SPAG16: variants seen among roughly 807,000 people sequenced by gnomAD.
SPAG16 encodes the protein sperm-associated antigen 16 protein.
In SPAG16, 86 loss-of-function variants were observed where a neutral mutation model predicts 80.4. That is an observed-to-expected ratio of 1.07 (90% CI 0.90 to 1.28). The LOEUF (loss-of-function observed/expected upper bound fraction) is 1.28. SPAG16 is among the 50% of genes most tolerant of loss of function. The pLI, the probability that SPAG16 is intolerant of heterozygous loss-of-function variation, is 0.00. For missense variants in SPAG16, 870 were observed against 765.3 expected (o/e 1.14, Z -1.61); for synonymous variants, 294 against 265.9 (o/e 1.11, Z -1.03).
At chr2:214,243,418 C>T (rs956529984) in intron 15 of SPAG16, among the ~76,000 whole-genome samples, 1 of 151,966 alleles carries the variant, frequency 6.6e-6, no homozygotes, top group African/African-American at 2.4e-5. Flanking sequence ...AGTCAGGGCT[C>T]ATAAAATTTA....
chr2:213,891,791 T>G (rs1312289988), intron 11 of SPAG16, among the ~76,000 whole-genome samples: 1 of 152,124 alleles, frequency 6.6e-6, no homozygotes, highest in Non-Finnish European at 1.5e-5. Context: ...GACTTCCACA[T>G]CTGCAATATC....
intron 12 of SPAG16, among the ~76,000 whole-genome samples, chr2:213,978,259 G>A (rs1421207203): frequency 6.6e-6 from 1 of 151,948 alleles, no homozygotes; most frequent in East Asian, 1.9e-4. Context: ...TTCCTCAGCT[G>A]GATCACCCCA....
At chr2:214,294,860 C>T (rs1694027574) in intron 15 of SPAG16, among the ~76,000 whole-genome samples, 1 of 152,212 alleles carries the variant, frequency 6.6e-6, no homozygotes, top group Non-Finnish European at 1.5e-5. Context: ...GATGCCACTA[C>T]ACATCTAGCT....
chr2:214,108,480 C>CACACACA lies in SPAG16; in HGVS notation c.1593+219_1593+220insACACACA, dbSNP rs56781283. ...ACACACACACACACACACACACACA[C>CACACACA]CCCCACACACACCCCAAGTCGTAGC... is the stretch of plus-strand genomic sequence containing the variant. On this transcript the variant is annotated intron_variant, in intron 14 of 15. Transcript: ENST00000331683. 5.8e-3 allele frequency among the ~76,000 whole-genome samples: 304 copies of CACACACA among 52,530 alleles called. 1 individual carries two copies. Among genetic ancestry groups the CACACACA allele is most frequent in the African/African-American group, 0.011 (241 of 21,442 alleles). 34.5% of individuals were successfully genotyped at this position (52,530 alleles called of 152,430 possible).
intron 10 of SPAG16, among the ~76,000 whole-genome samples, chr2:213,742,480 C>T (rs1011747836): frequency 5.3e-5 from 8 of 151,758 alleles, no homozygotes; most frequent in Non-Finnish European, 1.2e-4. Flanking sequence ...CACTGATCAC[C>T]TCACATAAAA....
intron 10 of SPAG16, among the ~76,000 whole-genome samples, chr2:213,697,063 A>G (rs1212065400): frequency 6.6e-6 from 1 of 152,192 alleles, no homozygotes; most frequent in Non-Finnish European, 1.5e-5. Context: ...AAATTGAGGG[A>G]TAGAACTTTG....
chr2:214,010,103 A>T (rs150908877), intron 12 of SPAG16, among the ~76,000 whole-genome samples: 2 of 145,962 alleles, frequency 1.4e-5, no homozygotes, highest in African/African-American at 5.4e-5. Flanking sequence ...ATGTCAAAAG[A>T]GTTAAAATAT....
intron 10 of SPAG16, among the ~76,000 whole-genome samples, chr2:213,509,135 T>A (rs1468369364): frequency 1.3e-5 from 2 of 152,098 alleles, no homozygotes; most frequent in African/African-American, 4.8e-5. Context: ...TAGCTGGGAT[T>A]AAAGGCACCT....
intron 10 of SPAG16, among the ~76,000 whole-genome samples, chr2:213,828,160 C>T (rs1046978195): frequency 5.3e-5 from 8 of 152,062 alleles, no homozygotes; most frequent in Admixed American, 5.2e-4. Flanking sequence ...CTTAGATTTG[C>T]CCTTTTGAGC....
At chr2:213,470,080 T>G (rs1394900742) in intron 9 of SPAG16, among the ~76,000 whole-genome samples, 1 of 152,182 alleles carries the variant, frequency 6.6e-6, no homozygotes, top group African/African-American at 2.4e-5. Flanking sequence ...GACCTGTGAA[T>G]CCTGTCTATG....
chr2:213,311,096 A>G (rs1414298578), intron 4 of SPAG16, among the ~76,000 whole-genome samples: 1 of 151,692 alleles, frequency 6.6e-6, no homozygotes, highest in Non-Finnish European at 1.5e-5. Context: ...TAAATTGCAC[A>G]TGTAATGTTA....
At chr2:213,662,927 G>A (rs2063477853) in intron 10 of SPAG16, among the ~76,000 whole-genome samples, 1 of 151,974 alleles carries the variant, frequency 6.6e-6, no homozygotes, top group Non-Finnish European at 1.5e-5. Context: ...TATTCCAAGA[G>A]GTTGTAATAA....
chr2:214,108,336 A>G (rs1217643530), intron 14 of SPAG16, 75 bp downstream of exon 14: 2 of 1,244,234 alleles, frequency 1.6e-6, no homozygotes, highest in Non-Finnish European at 2.3e-6. Flanking sequence ...ACAAATTTCC[A>G]AGCTAAAATG....
rs896027715 is a variant in SPAG16, at chr2:214,280,835, G to T, written c.1721-129305G>T. 7 of 436,220 alleles carry T rather than the reference G, an allele frequency of 1.6e-5. No homozygotes were observed. In the East Asian group the frequency reaches 4.1e-4, roughly 26 times the overall value. The allele number at this position is 436,220 out of a possible 1,614,324, so 27.0% of individuals were successfully genotyped here. Reference sequence around the variant, plus strand: ...TCTCCTCCATGTCTAGAGTTATGCCGTTCTTTATATATTGAGAGGATTGTT... The same window carrying T: ...TCTCCTCCATGTCTAGAGTTATGCCTTTCTTTATATATTGAGAGGATTGTT... On this transcript the variant is annotated intron_variant, in intron 15 of 15. Coordinates refer to ENST00000331683, the MANE Select transcript of SPAG16 (RefSeq NM_024532.5).
intron 15 of SPAG16, among the ~76,000 whole-genome samples, chr2:214,185,331 T>C (rs2057433692): frequency 6.6e-6 from 1 of 152,058 alleles, no homozygotes; most frequent in Non-Finnish European, 1.5e-5. Flanking sequence ...CCTGATAATT[T>C]ATGGTTATTG....
intron 13 of SPAG16, among the ~76,000 whole-genome samples, chr2:214,057,527 G>A: frequency 6.6e-6 from 1 of 152,106 alleles, no homozygotes. Context: ...ATTAAGCATA[G>A]ATGGACTATA....
At chr2:213,838,930 G>A (rs568016169) in intron 10 of SPAG16, among the ~76,000 whole-genome samples, 1 of 152,294 alleles carries the variant, frequency 6.6e-6, no homozygotes, top group South Asian at 2.1e-4. Context: ...TGCACCTAGT[G>A]TAGAAGCTCA....
chr2:213,932,399 A>G (rs959639052), intron 12 of SPAG16, among the ~76,000 whole-genome samples: 8 of 151,828 alleles, frequency 5.3e-5, no homozygotes, highest in Admixed American at 6.6e-5. Context: ...TATTTTTAGT[A>G]GAGACGGGGT....
At chr2:213,425,854 A>C (rs562625858) in intron 9 of SPAG16, among the ~76,000 whole-genome samples, 1 of 152,232 alleles carries the variant, frequency 6.6e-6, no homozygotes, top group East Asian at 1.9e-4. Context: ...GGTGGCATTC[A>C]TGCTCCAATA....
Sources: gnomAD v4.1 joint callset for allele counts (sites outside exome capture counted in the v4.1 genomes callset) on GRCh38, gnomAD v4.1.1 for gene constraint, MANE v1.5 for transcripts, NCBI Gene and HGNC (gene_info 2026-07-23, HGNC 2026-07-21) for gene names.